ERG: variants seen among roughly 807,000 people sequenced by gnomAD.
The protein encoded by ERG is transcriptional regulator ERG.
A neutral mutation model predicts 55.3 loss-of-function variants in ERG; 9 were observed. The observed-to-expected ratio is 0.16, with a 90% CI of 0.10 to 0.28. The LOEUF (loss-of-function observed/expected upper bound fraction) is 0.28. ERG is among the 10% of genes least tolerant of loss of function. ERG has a pLI of 1.00. For synonymous variants in ERG, 223 were observed against 237.3 expected, an observed-to-expected ratio of 0.94 and a Z score of 0.55; for missense variants, 434 against 631.6, an observed-to-expected ratio of 0.69 and a Z score of 3.35.
At chr21:38,373,551 G>A in the ERG span, among the ~76,000 whole-genome samples, 1 of 152,174 alleles carries the variant, frequency 6.6e-6, no homozygotes, top group African/African-American at 2.4e-5. Flanking sequence ...AAGTAGCACT[G>A]GGAGGTTGAA....
intron 1 of ERG, among the ~76,000 whole-genome samples, chr21:38,615,274 A>G (rs75593145): frequency 1.3e-5 from 2 of 152,322 alleles, no homozygotes; most frequent in East Asian, 3.9e-4. Flanking sequence ...CCAATAGATA[A>G]AATGTCACAT....
intron 2 of ERG, among the ~76,000 whole-genome samples, chr21:38,431,963 A>G (rs893304305): frequency 1.3e-5 from 2 of 152,230 alleles, no homozygotes; most frequent in African/African-American, 2.4e-5. Context: ...GCCATTGGAA[A>G]GATCAGACCT....
At chr21:38,483,384 C>A (rs1196259295) in intron 1 of ERG, among the ~76,000 whole-genome samples, 3 of 152,048 alleles carry the variant, frequency 2.0e-5, no homozygotes, top group African/African-American at 7.2e-5. Context: ...TCATGTATAT[C>A]AAAACATCAT....
intron 2 of ERG, among the ~76,000 whole-genome samples, chr21:38,540,453 A>T (rs1047665717): frequency 6.6e-6 from 1 of 152,170 alleles, no homozygotes; most frequent in Non-Finnish European, 1.5e-5. Flanking sequence ...ATAACCTAAA[A>T]GTTAAATAAA....
chr21:38,632,625 C>T (rs188601026), intron 1 of ERG, among the ~76,000 whole-genome samples: 116 of 152,370 alleles, frequency 7.6e-4, no homozygotes, highest in African/African-American at 2.3e-3. Context: ...CTCTCTCTCT[C>T]GCCTGCTGCC....
chr21:38,411,815 T>A (rs1989068781), intron 3 of ERG, among the ~76,000 whole-genome samples: 2 of 152,236 alleles, frequency 1.3e-5, no homozygotes, highest in African/African-American at 4.8e-5. Context: ...TTAAAATATC[T>A]CACTAAATTG....
chr21:38,420,650 C>T (rs1045853423), intron 3 of ERG, among the ~76,000 whole-genome samples: 15 of 152,188 alleles, frequency 9.9e-5, no homozygotes, highest in African/African-American at 3.4e-4. Flanking sequence ...TTCTCTTCCC[C>T]ACACAAATAT....
chr21:38,473,119 T>C (rs1277895370), intron 1 of ERG, among the ~76,000 whole-genome samples: 1 of 138,038 alleles, frequency 7.2e-6, no homozygotes, highest in Non-Finnish European at 1.5e-5. Flanking sequence ...CATAAAACCG[T>C]CTACAAATAC....
At chr21:38,534,352 C>T (rs2059694227) in intron 2 of ERG, among the ~76,000 whole-genome samples, 1 of 151,524 alleles carries the variant, frequency 6.6e-6, no homozygotes, top group African/African-American at 2.4e-5. Flanking sequence ...GTTTCTATTG[C>T]CAAATGAACA....
At chr21:38,571,676 T>C (rs1186313224) in intron 2 of ERG, among the ~76,000 whole-genome samples, 2 of 152,210 alleles carry the variant, frequency 1.3e-5, no homozygotes, top group Admixed American at 6.5e-5. Context: ...TGTAAATGAA[T>C]TGCCACAATT....
chr21:38,577,134 C>T (rs971694643), intron 1 of ERG, among the ~76,000 whole-genome samples: 1 of 152,086 alleles, frequency 6.6e-6, no homozygotes, highest in Non-Finnish European at 1.5e-5. Flanking sequence ...GAGACATTTT[C>T]GAAGGCTGTC....
At chr21:38,534,172 T>C (rs1051194361) in intron 2 of ERG, among the ~76,000 whole-genome samples, 7 of 152,220 alleles carry the variant, frequency 4.6e-5, no homozygotes, top group African/African-American at 1.7e-4. Flanking sequence ...GGGTCTGCTC[T>C]GAGCTTCATT....
intron 3 of ERG, among the ~76,000 whole-genome samples, chr21:38,418,145 T>G (rs1156489946): frequency 6.6e-6 from 1 of 152,248 alleles, no homozygotes. Context: ...TCTATTAAAG[T>G]AAAATTTATA....
intron 2 of ERG, among the ~76,000 whole-genome samples, chr21:38,433,039 G>C (rs1246257676): frequency 1.3e-5 from 2 of 152,202 alleles, no homozygotes; most frequent in Non-Finnish European, 2.9e-5. Context: ...CCCCGTGGGA[G>C]ACTTGGAAGG....
intron 2 of ERG, among the ~76,000 whole-genome samples, chr21:38,439,955 G>C (rs1262659141): frequency 6.6e-6 from 1 of 152,136 alleles, no homozygotes; most frequent in East Asian, 1.9e-4. Flanking sequence ...TCCCAAGCTG[G>C]GTATTCTAGG....
Position 38,623,295 on chromosome 21 carries a change from CCCACACA to C in ERG, c.-150+38356_-149-38351del, listed in dbSNP as rs370299450. Among the ~76,000 whole-genome samples the C allele has an allele frequency of 3.4e-3, 499 of 147,476 alleles. 2 individuals carry two copies. Among genetic ancestry groups the C allele is most frequent in the African/African-American group, 0.011 (451 of 39,910 alleles). The stretch of plus-strand genomic sequence containing the variant: ...CACACATCACATACTCAACACTCCA[CCCACACA>C]CCACACACCACATACGCACCACACA... On this transcript the variant is annotated intron_variant, in intron 1 of 10. Coordinates refer to the ERG transcript ENST00000398910.
intron 2 of ERG, among the ~76,000 whole-genome samples, chr21:38,550,410 AAG>A (rs2059816743): frequency 6.6e-6 from 1 of 152,196 alleles, no homozygotes; most frequent in Non-Finnish European, 1.5e-5. Flanking sequence ...CCTTACCCCC[AAG>A]GTAGCAGTAT....
chr21:38,605,777 G>A (rs1411914593), intron 1 of ERG, among the ~76,000 whole-genome samples: 1 of 152,166 alleles, frequency 6.6e-6, no homozygotes, highest in East Asian at 1.9e-4. Flanking sequence ...TCATCTGTGA[G>A]AAATAAAAAC....
rs977096673 is a variant in ERG, at chr21:38,381,729, A to G, written c.*1674T>C. The G allele has an allele frequency of 2.2e-5, 23 of 1,063,394 alleles. No individual in the cohort carries two copies. The highest frequency in any genetic ancestry group is 2.6e-5 in the Non-Finnish European group (23 of 878,186). The allele number at this position is 1,063,394 out of a possible 1,614,324, so 65.9% of individuals were successfully genotyped here. A position where few individuals can be genotyped will look rare whatever the true frequency, so the allele number is the denominator to read the frequency against. ...CCAGGTGCTGAACTAGAATTTCTCA[A>G]TGACAACCCCAGCTTCATAGGCCTC... On this transcript the variant is annotated 3_prime_UTR_variant, in exon 10 of 10. Transcript: ENST00000288319.
Sources: allele counts gnomAD v4.1 joint callset (sites outside exome capture counted in the v4.1 genomes callset), GRCh38; gene constraint gnomAD v4.1.1; transcripts MANE v1.5; gene names NCBI Gene and HGNC (gene_info 2026-07-23, HGNC 2026-07-21).